GNAI2: variants seen among roughly 807,000 people sequenced by gnomAD.
GNAI2 encodes the protein G protein subunit alpha i2.
Under a neutral mutation model 36.8 loss-of-function variants are expected in GNAI2, and 4 were observed. That is an observed-to-expected ratio of 0.11 (90% CI 0.05 to 0.25). The LOEUF (loss-of-function observed/expected upper bound fraction) is 0.25, where lower values mean the gene tolerates loss of function less well. GNAI2 is among the 10% of genes least tolerant of loss of function. GNAI2 has a pLI of 1.00. For synonymous variants in GNAI2, 194 were observed against 194.1 expected, an observed-to-expected ratio of 1.00 and a Z score of 0.01; for missense variants, 230 against 481.3, an observed-to-expected ratio of 0.48 and a Z score of 4.89.
upstream of GNAI2, among the ~76,000 whole-genome samples, chr3:50,234,228 G>A (rs1042924608): frequency 8.0e-5 from 12 of 149,622 alleles, no homozygotes; most frequent in African/African-American, 3.0e-4. Flanking sequence ...CACCACGCCG[G>A]CTAATTTTTT....
upstream of GNAI2, chr3:50,235,262 GA>G (rs1242865931): frequency 6.6e-6 from 1 of 151,994 alleles, no homozygotes; most frequent in Non-Finnish European, 1.5e-5. Context: ...ATGGATATGA[GA>G]AGCCACCCAG....
At chr3:50,232,219 A>G (rs1246432731), upstream of GNAI2, among the ~76,000 whole-genome samples, 1 of 152,124 alleles carries the variant, frequency 6.6e-6, no homozygotes, top group African/African-American at 2.4e-5. Flanking sequence ...AATCCCAGCT[A>G]CTTGGGGAGC....
intron 8 of GNAI2, chr3:50,258,042 C>T (rs1404477655): frequency 5.5e-5 from 12 of 218,432 alleles, no homozygotes; most frequent in Admixed American, 3.9e-4. Flanking sequence ...CCCAGCCTGC[C>T]GGAAGCTGCA....
At chr3:50,248,016 C>G (rs1700462367) in intron 1 of GNAI2, among the ~76,000 whole-genome samples, 1 of 152,244 alleles carries the variant, frequency 6.6e-6, no homozygotes, top group South Asian at 2.1e-4. Flanking sequence ...AGGTGGATCA[C>G]TTGAGGTCAG....
chr3:50,236,138 T>C (rs1184985502), upstream of GNAI2: 1 of 1,126,016 alleles, frequency 8.9e-7, no homozygotes, highest in African/African-American at 1.6e-5. This position sits in a 1 kb window ranked among gnomAD's most constrained non-coding sequence, Gnocchi z 4.0. Flanking sequence ...CAGGCTTGGT[T>C]CGCCCAGGCC....
chr3:50,235,936 C>T (rs587676513), upstream of GNAI2: 714 of 154,002 alleles, frequency 4.6e-3, 5 homozygotes, highest in Non-Finnish European at 7.3e-3. Flanking sequence ...AGCCCGGTCC[C>T]GCCTGCAGCC....
chr3:50,251,743 G>C (rs782116480), intron 1 of GNAI2: 2 of 1,315,688 alleles, frequency 1.5e-6, no homozygotes. Flanking sequence ...CAGCTGCACA[G>C]GTTGGCGAGC....
Position 50,256,879 on chromosome 3 carries a change from T to G in GNAI2, c.723+27T>G, listed in dbSNP as rs200404060. The stretch of plus-strand genomic sequence containing the variant: ...TGAGAGGATGAGAGAATGCTGCGGG[T>G]GGGGGCAGCGGGCTTGGGGAGTGGT... On this transcript the variant is annotated intron_variant, in intron 6 of 8. Coordinates refer to ENST00000313601, the MANE Select transcript of GNAI2 (RefSeq NM_002070.4). 8.0e-5 allele frequency: 129 copies of G among 1,613,604 alleles called. No individual in the cohort carries two copies. The East Asian group carries it at 2.7e-3, about 33-fold the overall frequency.
At chr3:50,232,110 A>G (rs1700077892), upstream of GNAI2, among the ~76,000 whole-genome samples, 1 of 151,958 alleles carries the variant, frequency 6.6e-6, no homozygotes, top group Non-Finnish European at 1.5e-5. Flanking sequence ...CAGGCAGATC[A>G]TCTGAGGTCA....
chr3:50,240,525 G>A (rs1008969929), intron 1 of GNAI2, among the ~76,000 whole-genome samples: 2 of 152,170 alleles, frequency 1.3e-5, no homozygotes, highest in Non-Finnish European at 1.5e-5. Context: ...GTGAAGCCCT[G>A]GCAGGAGTCC....
chr3:50,243,091 C>A (rs1231407886), intron 1 of GNAI2, among the ~76,000 whole-genome samples: 1 of 152,210 alleles, frequency 6.6e-6, no homozygotes, highest in East Asian at 1.9e-4. Flanking sequence ...CCCAAGGGCC[C>A]CCCAGGGCTT....
At chr3:50,245,241 G>A (rs1553701602) in intron 1 of GNAI2, among the ~76,000 whole-genome samples, 3 of 151,998 alleles carry the variant, frequency 2.0e-5, no homozygotes. Flanking sequence ...CAGGTGATCC[G>A]CCCACCTCAG....
Position 50,253,217 on chromosome 3 carries a change from C to A in GNAI2, c.464+33C>A, listed in dbSNP as rs2109212561. ...CTCTGAGGGGCTGGGCAGGGCAGGG[C>A]AGGGGCTGGGGGAGGACTAAAGGCT... On this transcript the variant is annotated intron_variant, in intron 4 of 8. Coordinates refer to ENST00000313601, the MANE Select transcript of GNAI2 (RefSeq NM_002070.4). This position sits in a 1 kb window ranked among gnomAD's most constrained non-coding sequence, Gnocchi z 4.2. 3 of 1,564,070 alleles carry A rather than the reference C, an allele frequency of 1.9e-6. No individual in the cohort carries two copies. Among genetic ancestry groups the A allele is most frequent in the Non-Finnish European group, 2.6e-6 (3 of 1,139,578 alleles).
rs782465410 is a variant in GNAI2 at position 50,252,448 on chromosome 3, G to A, written c.213G>A (p.Ala71=). Residue 71 remains alanine, a synonymous_variant, in exon 3 of 9, where the codon GCG becomes GCA. Coordinates refer to ENST00000313601, the MANE Select transcript of GNAI2 (RefSeq NM_002070.4). The surrounding 1 kb of genome is among the most constrained non-coding windows in gnomAD (Gnocchi z 4.1). ...AGGAGGAATGCCGGCAGTACCGGGC[G>A]GTTGTCTACAGCAACACCATCCAGT... is the stretch of plus-strand genomic sequence containing the variant. ...YSEEECRQYR[A]VVYSNTIQSI... 17 of 1,613,336 alleles carry A rather than the reference G, an allele frequency of 1.1e-5. No homozygotes were observed. The highest frequency in any genetic ancestry group is 6.7e-5 in the East Asian group (3 of 44,882).
Position 50,259,204 on chromosome 3 carries a change from G to C in GNAI2, c.*861G>C, listed in dbSNP as rs1293841910. On this transcript the variant is annotated 3_prime_UTR_variant, in exon 9 of 9. Coordinates refer to ENST00000313601, the MANE Select transcript of GNAI2 (RefSeq NM_002070.4). ...AATGTAGCTCCCTAGCGCTAACCTA[G>C]GAACCGCCGCTGCCTGCTGGGGGGC... 4.4e-6 allele frequency: 1 copy of C among 228,984 alleles called. No homozygotes were observed. The highest frequency in any genetic ancestry group is 8.9e-6 in the Non-Finnish European group (1 of 112,366). 14.2% of individuals were successfully genotyped at this position (228,984 alleles called of 1,614,324 possible). A position where few individuals can be genotyped will look rare whatever the true frequency, so the allele number is the denominator to read the frequency against.
chr3:50,235,738 T>G (rs1237913198), upstream of GNAI2, among the ~76,000 whole-genome samples: 1 of 152,202 alleles, frequency 6.6e-6, no homozygotes, highest in Non-Finnish European at 1.5e-5. Flanking sequence ...AAAACAAGTT[T>G]ACTGGACTCA....
At chr3:50,247,368 G>A (rs1700449814) in intron 1 of GNAI2, among the ~76,000 whole-genome samples, 1 of 152,246 alleles carries the variant, frequency 6.6e-6, no homozygotes, top group African/African-American at 2.4e-5. Flanking sequence ...CTGGCTGCTT[G>A]AGGCTTGACA....
chr3:50,236,311 G>A lies in GNAI2; in HGVS notation c.-25G>A. 2.2e-6 allele frequency: 3 copies of A among 1,354,860 alleles called. No homozygotes were observed. The highest frequency in any genetic ancestry group is 2.8e-6 in the Non-Finnish European group (3 of 1,054,336). 83.9% of individuals were successfully genotyped at this position (1,354,860 alleles called of 1,614,324 possible). On this transcript the variant is annotated 5_prime_UTR_variant, in exon 1 of 9. Transcript: ENST00000313601. This position sits in a 1 kb window ranked among gnomAD's most constrained non-coding sequence, Gnocchi z 4.0. ...GCCGTGGGCCGTGTGGGGGCCGGGCGGCGGCCGGGCCGGCGGACGGCGGGA... is the reference window on the plus strand; with the variant it reads ...GCCGTGGGCCGTGTGGGGGCCGGGCAGCGGCCGGGCCGGCGGACGGCGGGA...
chr3:50,231,707 C>T (rs1257594878), upstream of GNAI2, among the ~76,000 whole-genome samples: 1 of 152,100 alleles, frequency 6.6e-6, no homozygotes, highest in Non-Finnish European at 1.5e-5. Context: ...GACAATGGGA[C>T]TCAGAGAAGC....
Sources: gnomAD v4.1 joint callset for allele counts (sites outside exome capture counted in the v4.1 genomes callset) on GRCh38, gnomAD v4.1.1 for gene constraint, Gnocchi (gnomAD v3.1) non-coding constraint, MANE v1.5 for transcripts, NCBI Gene and HGNC (gene_info 2026-07-23, HGNC 2026-07-21) for gene names.